The following PDS5B variants were observed in gnomAD, a reference collection of about 807,000 sequenced individuals.
The protein encoded by PDS5B is PDS5 cohesin associated factor B, also known as sister chromatid cohesion protein PDS5 homolog B.
A neutral mutation model predicts 184.1 loss-of-function variants in PDS5B; 51 were observed. The observed-to-expected ratio is 0.28, with a 90% CI of 0.22 to 0.35. PDS5B has a LOEUF of 0.35. Among genes scored for constraint, PDS5B ranks in the 10% least tolerant of loss-of-function variants. The pLI is 1.00. For synonymous variants in PDS5B, 566 were observed against 569.2 expected, an observed-to-expected ratio of 0.99 and a Z score of 0.08; for missense variants, 1,180 against 1,723.3, an observed-to-expected ratio of 0.68 and a Z score of 5.58.
chr13:32,713,321 T>C (rs1295366139), intron 19 of PDS5B, among the ~76,000 whole-genome samples: 4 of 152,200 alleles, frequency 2.6e-5, no homozygotes, highest in African/African-American at 9.7e-5. Context: ...ATTTTTCTTA[T>C]TCAAAGATGA....
rs1189607704 is a variant in PDS5B, at chr13:32,742,546, T to C, written c.2476-45T>C. 3.3e-6 allele frequency: 5 copies of C among 1,516,978 alleles called. No homozygotes were observed. The East Asian group carries it at 1.1e-4, about 35-fold the overall frequency. 94.0% of individuals were successfully genotyped at this position (1,516,978 alleles called of 1,614,324 possible). Reference sequence around the variant, plus strand: ...AAAAAAAGTTGATACAGAAATTCTTTCAAAATGTACCAGTGTTTTATTTGT... The same window carrying C: ...AAAAAAAGTTGATACAGAAATTCTTCCAAAATGTACCAGTGTTTTATTTGT... On this transcript the variant is annotated intron_variant, in intron 22 of 34. Transcript: ENST00000315596.
intron 2 of PDS5B, chr13:32,650,738 T>A (rs1457340134): frequency 1.3e-5 from 2 of 152,206 alleles, no homozygotes; most frequent in African/African-American, 4.8e-5. Flanking sequence ...TCTGGCATAA[T>A]AGAACTGAGA....
At chr13:32,686,287 A>C (rs143058701) in intron 11 of PDS5B, among the ~76,000 whole-genome samples, 9 of 152,302 alleles carry the variant, frequency 5.9e-5, no homozygotes, top group African/African-American at 1.9e-4. Context: ...TTATACTTCA[A>C]CTCAGTCCCA....
Position 32,770,180 on chromosome 13 carries a change from A to G in PDS5B, c.3684A>G (p.Lys1228=). The G allele has an allele frequency of 6.2e-7, 1 of 1,614,034 alleles. No individual in the cohort carries two copies. Among genetic ancestry groups the G allele is most frequent in the South Asian group, 1.1e-5 (1 of 91,060 alleles). The change falls in exon 32 of 35, where the codon AAA becomes AAG. Residue 1228 remains lysine (K), a synonymous_variant. Transcript: ENST00000315596. ...CGCCCGTCACAGAACAGGAGGAGAA[A>G]TTAGGTATGGATGACTTGACTAAGT... is the stretch of plus-strand genomic sequence containing the variant. The part of the protein sequence containing the change: ...KKTPVTEQEE[K]LGMDDLTKLV...
At chr13:32,608,315 A>C (rs2058092521) in intron 1 of PDS5B, among the ~76,000 whole-genome samples, 1 of 152,060 alleles carries the variant, frequency 6.6e-6, no homozygotes, top group South Asian at 2.1e-4. Context: ...AAGTTGCAAA[A>C]ATTTAGTTGG....
At chr13:32,729,730 C>CCATATTATATGAAGA (rs1332560755) in intron 19 of PDS5B, among the ~76,000 whole-genome samples, 18 of 152,100 alleles carry the variant, frequency 1.2e-4, no homozygotes, top group Admixed American at 9.8e-4. Context: ...TGTTTGTTGG[C>CCATATTATATGAAGA]CATATAAATG....
intron 1 of PDS5B, among the ~76,000 whole-genome samples, chr13:32,593,964 A>G (rs1334783985): frequency 6.6e-6 from 1 of 152,218 alleles, no homozygotes; most frequent in Non-Finnish European, 1.5e-5. Context: ...CATATTTTCA[A>G]CTAGCTAGAA....
At chr13:32,598,547 T>C (rs1353324272) in intron 1 of PDS5B, among the ~76,000 whole-genome samples, 11 of 152,052 alleles carry the variant, frequency 7.2e-5, no homozygotes, top group African/African-American at 2.7e-4. Context: ...CCCAGTTCAC[T>C]GTAACCTCAA....
At chr13:32,611,877 A>G (rs2058148122) in intron 1 of PDS5B, among the ~76,000 whole-genome samples, 1 of 152,030 alleles carries the variant, frequency 6.6e-6, no homozygotes, top group South Asian at 2.1e-4. Context: ...TTGATCATTC[A>G]GGGTTCCTGA....
At chr13:32,617,179 C>T (rs1025757690) in intron 1 of PDS5B, among the ~76,000 whole-genome samples, 2 of 152,158 alleles carry the variant, frequency 1.3e-5, no homozygotes, top group African/African-American at 4.8e-5. Flanking sequence ...ATTGCCGTAT[C>T]CCAATCAGCT....
intron 19 of PDS5B, among the ~76,000 whole-genome samples, chr13:32,726,408 ATTTGCGCC>A (rs1335526111): frequency 6.6e-6 from 1 of 152,086 alleles, no homozygotes; most frequent in Non-Finnish European, 1.5e-5. Flanking sequence ...ATAGCTTTGT[ATTTGCGCC>A]TTTTGTGTTT....
intron 13 of PDS5B, chr13:32,691,260 G>T (rs1951541316): frequency 6.6e-6 from 1 of 151,872 alleles, no homozygotes; most frequent in Non-Finnish European, 1.5e-5. Context: ...AGAAACAATT[G>T]TGTATACAGT....
chr13:32,599,870 G>T (rs1035018578), intron 1 of PDS5B, among the ~76,000 whole-genome samples: 1 of 152,038 alleles, frequency 6.6e-6, no homozygotes, highest in Non-Finnish European at 1.5e-5. Context: ...AGCCGAGATC[G>T]TGCCAGTGTG....
intron 1 of PDS5B, among the ~76,000 whole-genome samples, chr13:32,636,723 G>A (rs2058567220): frequency 6.6e-6 from 1 of 152,182 alleles, no homozygotes; most frequent in South Asian, 2.1e-4. Context: ...GAACAAATTA[G>A]GATCCCTAAA....
chr13:32,690,138 T>G (rs1566331834), intron 13 of PDS5B: 1 of 152,176 alleles, frequency 6.6e-6, no homozygotes, highest in Non-Finnish European at 1.5e-5. Context: ...ACAGTAATAA[T>G]ACAGTTTTAT....
At chr13:32,762,458 C>T (rs928522426) in intron 30 of PDS5B, among the ~76,000 whole-genome samples, 1 of 152,036 alleles carries the variant, frequency 6.6e-6, no homozygotes, top group African/African-American at 2.4e-5. Context: ...GTTCTAGATT[C>T]CTGTATTAAT....
chr13:32,595,611 G>A (rs1449231400), intron 1 of PDS5B, among the ~76,000 whole-genome samples: 1 of 152,170 alleles, frequency 6.6e-6, no homozygotes, highest in Non-Finnish European at 1.5e-5. Flanking sequence ...TTCCCTAAAA[G>A]AAGAGTTAGG....
intron 1 of PDS5B, among the ~76,000 whole-genome samples, chr13:32,600,894 TC>T (rs1358214471): frequency 6.6e-6 from 1 of 152,234 alleles, no homozygotes; most frequent in Non-Finnish European, 1.5e-5. Flanking sequence ...CTTGGAATCT[TC>T]CCTGAGCATA....
At chr13:32,627,306 G>A (rs1432378202) in intron 1 of PDS5B, among the ~76,000 whole-genome samples, 3 of 152,192 alleles carry the variant, frequency 2.0e-5, no homozygotes, top group Admixed American at 6.5e-5. Context: ...GCAGATGGAT[G>A]CTATCTACAT....
Sources: allele counts gnomAD v4.1 joint callset (sites outside exome capture counted in the v4.1 genomes callset), GRCh38; gene constraint gnomAD v4.1.1; transcripts MANE v1.5; gene names NCBI Gene and HGNC (gene_info 2026-07-23, HGNC 2026-07-21).